The following SDC2 variants were observed in gnomAD, a reference collection of about 807,000 sequenced individuals.
SDC2 encodes syndecan 2, also known as syndecan-2.
A neutral mutation model predicts 22.2 loss-of-function variants in SDC2; 13 were observed. That is an observed-to-expected ratio of 0.59 (90% CI 0.38 to 0.93). The LOEUF is 0.93. Ranked by LOEUF, SDC2 falls within the 40% of genes least tolerant of loss-of-function variation. The probability of loss-of-function intolerance (pLI) is 0.00; values close to 1 mark genes in which losing one functional copy is unlikely to be tolerated. For missense variants in SDC2, 235 were observed against 246.8 expected, an observed-to-expected ratio of 0.95 and a Z score of 0.32; for synonymous variants, 94 against 92.8, an observed-to-expected ratio of 1.01 and a Z score of -0.07.
intron 1 of SDC2, among the ~76,000 whole-genome samples, chr8:96,534,684 A>G (rs1439409545): frequency 1.3e-5 from 2 of 151,220 alleles, no homozygotes; most frequent in Admixed American, 6.6e-5. Flanking sequence ...CAGTCTTCCT[A>G]CCTCGGCCTC....
At chr8:96,582,168 T>C (rs774464012) in intron 1 of SDC2, among the ~76,000 whole-genome samples, 17 of 151,900 alleles carry the variant, frequency 1.1e-4, no homozygotes, top group Non-Finnish European at 2.1e-4. Context: ...AAGCAAACCA[T>C]TTCTTTAAAA....
At chr8:96,508,492 CAAAAAAAAGAA>C (rs1813283512) in intron 1 of SDC2, among the ~76,000 whole-genome samples, 1 of 137,268 alleles carries the variant, frequency 7.3e-6, no homozygotes, top group Non-Finnish European at 1.6e-5. Flanking sequence ...GACTCCATCT[CAAAAAAAAGAA>C]AAAAAAAGAT....
intron 3 of SDC2, among the ~76,000 whole-genome samples, chr8:96,603,633 G>T (rs1223902406): frequency 6.6e-6 from 1 of 152,040 alleles, no homozygotes; most frequent in Non-Finnish European, 1.5e-5. Context: ...AATGCATGTG[G>T]GCTTTTCTTA....
At chr8:96,512,516 C>G (rs1252870695) in intron 1 of SDC2, among the ~76,000 whole-genome samples, 3 of 152,136 alleles carry the variant, frequency 2.0e-5, no homozygotes, top group Non-Finnish European at 4.4e-5. Context: ...CCAAAGAGAA[C>G]TGTTTAATAG....
chr8:96,607,446 T>C (rs1815100423), intron 3 of SDC2, among the ~76,000 whole-genome samples: 1 of 152,162 alleles, frequency 6.6e-6, no homozygotes, highest in African/African-American at 2.4e-5. Context: ...AAATGTGCCG[T>C]AATAGATAAC....
At chr8:96,585,088 G>A (rs1464822788) in intron 1 of SDC2, 8 of 152,162 alleles carry the variant, frequency 5.3e-5, no homozygotes, top group Non-Finnish European at 1.0e-4. Context: ...CCTTGTGGCT[G>A]AGGAGGAAGA....
At chr8:96,507,395 C>G (rs182313171) in intron 1 of SDC2, among the ~76,000 whole-genome samples, 1 of 152,202 alleles carries the variant, frequency 6.6e-6, no homozygotes, top group Non-Finnish European at 1.5e-5. Flanking sequence ...CATTTAGCAT[C>G]AGTGTGGTTA....
At chr8:96,597,641 A>G (rs1814901618) in intron 2 of SDC2, among the ~76,000 whole-genome samples, 1 of 152,370 alleles carries the variant, frequency 6.6e-6, no homozygotes, top group African/African-American at 2.4e-5. Flanking sequence ...ATGCTCGAAC[A>G]ATGGCACAAA....
rs140815268 is a variant in SDC2 at position 96,572,983 on chromosome 8, G to A, written c.61-20497G>A. ...GTGACCACCAGCTTAGTTATGACACGGACCAGGAAAACTGTGTGACCTCCC... is the reference window on the plus strand; with the variant it reads ...GTGACCACCAGCTTAGTTATGACACAGACCAGGAAAACTGTGTGACCTCCC... On this transcript the variant is annotated intron_variant, in intron 1 of 4. Coordinates refer to ENST00000302190, the MANE Select transcript of SDC2 (RefSeq NM_002998.4). 3.5e-3 allele frequency among the ~76,000 whole-genome samples: 539 copies of A among 152,266 alleles called. 6 individuals carry two copies. Among genetic ancestry groups the A allele is most frequent in the African/African-American group, 0.012 (501 of 41,542 alleles).
chr8:96,509,770 A>G (rs1470253577), intron 1 of SDC2, among the ~76,000 whole-genome samples: 1 of 152,174 alleles, frequency 6.6e-6, no homozygotes, highest in East Asian at 1.9e-4. Flanking sequence ...TTCTTAACGT[A>G]TGCTTTCTAC....
chr8:96,546,616 G>A (rs1813937077), intron 1 of SDC2, among the ~76,000 whole-genome samples: 1 of 152,166 alleles, frequency 6.6e-6, no homozygotes, highest in South Asian at 2.1e-4. Context: ...GCTCTTCGTA[G>A]AATGTGTAAT....
At chr8:96,532,867 G>A (rs992505991) in intron 1 of SDC2, among the ~76,000 whole-genome samples, 1 of 152,152 alleles carries the variant, frequency 6.6e-6, no homozygotes, top group African/African-American at 2.4e-5. Flanking sequence ...TAGGCCCTGT[G>A]CCCTAAATGG....
At chr8:96,604,530 C>G (rs577814794) in intron 3 of SDC2, among the ~76,000 whole-genome samples, 3 of 152,122 alleles carry the variant, frequency 2.0e-5, no homozygotes, top group Non-Finnish European at 4.4e-5. Flanking sequence ...TTAAATTTTT[C>G]ATTTTGCTGT....
intron 2 of SDC2, 123 bp from the exon 3 acceptor site, chr8:96,602,272 T>TA: frequency 9.7e-7 from 1 of 1,032,188 alleles, no homozygotes; most frequent in Non-Finnish European, 1.4e-6. Flanking sequence ...GCTGAAGTCT[T>TA]AAAGAGCCAG....
At chr8:96,501,613 A>G (rs1813167020) in intron 1 of SDC2, among the ~76,000 whole-genome samples, 1 of 151,780 alleles carries the variant, frequency 6.6e-6, no homozygotes, top group Non-Finnish European at 1.5e-5. Context: ...CAGCTGAGTT[A>G]AGTATGTATT....
chr8:96,556,587 C>T (rs1208498187), intron 1 of SDC2, among the ~76,000 whole-genome samples: 2 of 151,824 alleles, frequency 1.3e-5, no homozygotes, highest in African/African-American at 2.4e-5. Flanking sequence ...AAAGCTGAAA[C>T]TGGATCCCTT....
chr8:96,578,384 A>G (rs539201378), intron 1 of SDC2, among the ~76,000 whole-genome samples: 67 of 152,376 alleles, frequency 4.4e-4, no homozygotes, highest in African/African-American at 1.5e-3. Flanking sequence ...GCCACATATC[A>G]GCGACTCAAT....
chr8:96,500,211 A>G (rs1813140472), intron 1 of SDC2, among the ~76,000 whole-genome samples: 1 of 152,172 alleles, frequency 6.6e-6, no homozygotes, highest in Non-Finnish European at 1.5e-5. Context: ...CTCTTCCCTG[A>G]GGCTGTGCTG....
chr8:96,546,963 T>C (rs1813944478), intron 1 of SDC2, among the ~76,000 whole-genome samples: 1 of 152,218 alleles, frequency 6.6e-6, no homozygotes, highest in South Asian at 2.1e-4. Flanking sequence ...CTGCTGTGAA[T>C]TCTGTCTGCT....
Sources: allele counts gnomAD v4.1 joint callset (sites outside exome capture counted in the v4.1 genomes callset), GRCh38; gene constraint gnomAD v4.1.1; transcripts MANE v1.5; gene names NCBI Gene and HGNC (gene_info 2026-07-23, HGNC 2026-07-21).